Variants in RAD51B observed in about 807,000 individuals in gnomAD.
The protein encoded by RAD51B is RAD51 paralog B, also known as DNA repair protein RAD51 homolog 2.
Under a neutral mutation model 42.2 loss-of-function variants are expected in RAD51B, and 38 were observed. The observed-to-expected ratio is 0.90, with a 90% confidence interval of 0.70 to 1.18. The LOEUF (loss-of-function observed/expected upper bound fraction) is 1.18. Ranked by LOEUF, RAD51B falls within the 50% of genes most tolerant of loss-of-function variation. RAD51B has a pLI of 0.00. For synonymous variants in RAD51B, 154 were observed against 145.2 expected (o/e 1.06, Z -0.43); for missense variants, 373 against 400.7 (o/e 0.93, Z 0.59).
intron 5 of RAD51B, among the ~76,000 whole-genome samples, chr14:67,881,186 A>ATGC (rs1566939303): frequency 6.6e-6 from 1 of 152,216 alleles, no homozygotes; most frequent in Non-Finnish European, 1.5e-5. Context: ...TGTATAAGTG[A>ATGC]TGCATCATTG....
At chr14:68,265,613 G>A (rs933330799) in intron 7 of RAD51B, among the ~76,000 whole-genome samples, 1 of 152,130 alleles carries the variant, frequency 6.6e-6, no homozygotes, top group African/African-American at 2.4e-5. Flanking sequence ...TTAGCTGGGC[G>A]TGGTGGCATG....
At chr14:68,024,622 G>T (rs1191128380) in intron 7 of RAD51B, among the ~76,000 whole-genome samples, 2 of 152,090 alleles carry the variant, frequency 1.3e-5, no homozygotes, top group South Asian at 2.1e-4. Flanking sequence ...TTGTGTTCTT[G>T]ATTTGATTCT....
intron 10 of RAD51B, among the ~76,000 whole-genome samples, chr14:68,610,841 A>G (rs370046428): frequency 4.2e-5 from 3 of 71,142 alleles, no homozygotes; most frequent in African/African-American, 1.1e-4. Flanking sequence ...ATCTGAATGT[A>G]TATGTGTGTG....
chr14:68,563,778 G>T (rs1348490029), intron 10 of RAD51B: 1 of 985,228 alleles, frequency 1.0e-6, no homozygotes, highest in East Asian at 1.1e-4. Flanking sequence ...GGCGTAACCT[G>T]ATTTTCCGTA....
intron 7 of RAD51B, among the ~76,000 whole-genome samples, chr14:67,896,420 C>T (rs924136178): frequency 6.6e-6 from 1 of 152,188 alleles, no homozygotes; most frequent in Non-Finnish European, 1.5e-5. Context: ...TTCTGTGAGA[C>T]ATCAACCAAG....
intron 8 of RAD51B, among the ~76,000 whole-genome samples, chr14:68,310,786 A>G (rs1222271663): frequency 6.6e-6 from 1 of 152,216 alleles, no homozygotes; most frequent in African/African-American, 2.4e-5. Flanking sequence ...CAGAGGTTTC[A>G]GTAAGCAGAG....
chr14:67,984,974 A>G (rs768395179), intron 7 of RAD51B, among the ~76,000 whole-genome samples: 5 of 152,234 alleles, frequency 3.3e-5, no homozygotes, highest in Admixed American at 6.5e-5. Flanking sequence ...GGGGTATAGA[A>G]CAAAAAGTTA....
chr14:68,650,143 G>A (rs55779318), intron 10 of RAD51B, among the ~76,000 whole-genome samples: 9,680 of 152,242 alleles, frequency 0.064, 399 homozygotes, highest in African/African-American at 0.1. Flanking sequence ...ACCACCGAAA[G>A]ATTTTCCCTG....
chr14:68,632,968 CTTTTTTTTTTTTT>C (rs397852024), intron 10 of RAD51B, among the ~76,000 whole-genome samples: 13 of 59,416 alleles, frequency 2.2e-4, no homozygotes, highest in African/African-American at 8.7e-4. Flanking sequence ...TTTTCTTTTT[CTTTTTTTTTTTTT>C]TTTTTTTTTT....
At chr14:68,621,813 G>A (rs1891955450) in intron 10 of RAD51B, among the ~76,000 whole-genome samples, 1 of 152,252 alleles carries the variant, frequency 6.6e-6, no homozygotes, top group Non-Finnish European at 1.5e-5. Flanking sequence ...AGCAGCCAGG[G>A]CCCAGCTGAT....
intron 5 of RAD51B, among the ~76,000 whole-genome samples, chr14:67,873,699 C>A (rs2042624053): frequency 6.7e-6 from 1 of 148,182 alleles, no homozygotes; most frequent in Non-Finnish European, 1.5e-5. Context: ...AAATGTCCAA[C>A]AATGATAGAC....
At chr14:68,399,547 A>G (rs996462523) in intron 8 of RAD51B, among the ~76,000 whole-genome samples, 5 of 152,134 alleles carry the variant, frequency 3.3e-5, no homozygotes, top group Non-Finnish European at 7.4e-5. Context: ...GTGAGCCACC[A>G]AGCCCAGCTC....
chr14:68,056,142 T>C (rs535298379), intron 7 of RAD51B, among the ~76,000 whole-genome samples: 2 of 152,236 alleles, frequency 1.3e-5, no homozygotes, highest in Admixed American at 1.3e-4. Context: ...CTCAGTGTTA[T>C]TTGCTAAAGA....
At chr14:68,598,600 C>T (rs1891096229), downstream of RAD51B, among the ~76,000 whole-genome samples, 1 of 152,198 alleles carries the variant, frequency 6.6e-6, no homozygotes, top group African/African-American at 2.4e-5. Context: ...TGTGTTGAGA[C>T]CCAAATTCCT....
intron 10 of RAD51B, among the ~76,000 whole-genome samples, chr14:68,558,246 C>T (rs1888958860): frequency 6.6e-6 from 1 of 152,218 alleles, no homozygotes; most frequent in Non-Finnish European, 1.5e-5. Context: ...TATCTCCACC[C>T]CACCCATGCC....
intron 7 of RAD51B, among the ~76,000 whole-genome samples, chr14:68,037,498 T>C (rs1004698699): frequency 6.6e-6 from 1 of 151,906 alleles, no homozygotes; most frequent in Non-Finnish European, 1.5e-5. Flanking sequence ...GAATTACAGG[T>C]GTGAGCCACC....
intron 8 of RAD51B, among the ~76,000 whole-genome samples, chr14:68,408,538 T>C (rs2084338913): frequency 6.6e-6 from 1 of 152,166 alleles, no homozygotes. Context: ...AGCCATGCCA[T>C]GTAGAGCAGA....
chr14:67,918,336 G>A (rs1185573554), intron 7 of RAD51B, among the ~76,000 whole-genome samples: 1 of 152,164 alleles, frequency 6.6e-6, no homozygotes, highest in Non-Finnish European at 1.5e-5. Context: ...CAGGGTTCAA[G>A]CAATTCTTCT....
chr14:68,039,808 T>C (rs1168895565), intron 7 of RAD51B, among the ~76,000 whole-genome samples: 3 of 152,254 alleles, frequency 2.0e-5, no homozygotes, highest in Admixed American at 2.0e-4. Flanking sequence ...GCTCTAATGG[T>C]TGCTGTTAAA....
Sources: gnomAD v4.1 joint callset for allele counts (sites outside exome capture counted in the v4.1 genomes callset) on GRCh38, gnomAD v4.1.1 for gene constraint, MANE v1.5 for transcripts, NCBI Gene and HGNC (gene_info 2026-07-23, HGNC 2026-07-21) for gene names.